CARMIL1: variants seen among roughly 807,000 people sequenced by gnomAD.
CARMIL1 encodes F-actin-uncapping protein LRRC16A.
Under a neutral mutation model 177.1 loss-of-function variants are expected in CARMIL1, and 90 were observed. The observed-to-expected ratio is 0.51, with a 90% CI of 0.43 to 0.61. CARMIL1 has a LOEUF of 0.61. CARMIL1 is among the 20% of genes least tolerant of loss of function. The pLI is 0.00. For missense variants in CARMIL1, 1,380 were observed against 1,667.0 expected, an observed-to-expected ratio of 0.83 and a Z score of 3.00; for synonymous variants, 577 against 606.2, an observed-to-expected ratio of 0.95 and a Z score of 0.71.
rs1379494044 is a variant in CARMIL1, at chr6:25,509,498, T to TATAA, written c.1396-157_1396-156insTAAA. Reference sequence around the variant, plus strand: ...CAGCAATGGCTAGTGATAGGCTCTTTACCCACTGATAATAGCTTCTTTGGA... The same window carrying TATAA: ...CAGCAATGGCTAGTGATAGGCTCTTTATAAACCCACTGATAATAGCTTCTTTGGA... On this transcript the variant is annotated intron_variant, in intron 17 of 36. Transcript: ENST00000329474. The surrounding 1 kb of genome is among the most constrained non-coding windows in gnomAD (Gnocchi z 4.1). 1.3e-5 allele frequency among the ~76,000 whole-genome samples: 2 copies of TATAA among 152,224 alleles called. No individual in the cohort carries two copies. Among genetic ancestry groups the TATAA allele is most frequent in the Admixed American group, 1.3e-4 (2 of 15,284 alleles).
chr6:25,364,812 G>T (rs968005314), intron 2 of CARMIL1, among the ~76,000 whole-genome samples: 49 of 152,094 alleles, frequency 3.2e-4, no homozygotes, highest in African/African-American at 1.2e-3. Context: ...TGATCCATCC[G>T]CCTCGGCCTC....
chr6:25,580,561 A>C (rs1813032535), intron 29 of CARMIL1, among the ~76,000 whole-genome samples: 1 of 152,220 alleles, frequency 6.6e-6, no homozygotes, highest in Non-Finnish European at 1.5e-5. Flanking sequence ...TGTTACTGTG[A>C]CAATGATCAC....
intron 15 of CARMIL1, among the ~76,000 whole-genome samples, chr6:25,494,097 A>C (rs1361137206): frequency 6.7e-6 from 1 of 149,122 alleles, no homozygotes; most frequent in Non-Finnish European, 1.5e-5. Flanking sequence ...TATTATTATT[A>C]TTATTATTTA....
intron 12 of CARMIL1, among the ~76,000 whole-genome samples, chr6:25,484,806 G>A (rs1446838448): frequency 6.6e-6 from 1 of 152,120 alleles, no homozygotes; most frequent in Non-Finnish European, 1.5e-5. Flanking sequence ...TATGACTTGT[G>A]TACATATTAA....
At position 25,482,293 on chromosome 6, in the gene CARMIL1, CA is replaced by C; in HGVS notation, c.914del (p.Lys305ArgfsTer3). ...TTAAGTATTCAATTTGCCAAACTCC[CA>C]AAGGGATTAAAGCACTTAAATTTAT... ...SSLSIQFAKL[P>X]KGLKHLNLSK... On this transcript the variant is annotated frameshift_variant, in exon 12 of 37. Coordinates refer to ENST00000329474, the MANE Select transcript of CARMIL1 (RefSeq NM_017640.6). LOFTEE classifies it high-confidence loss of function. The C allele has an allele frequency of 6.3e-7, 1 of 1,591,478 alleles. No individual in the cohort carries two copies.
intron 29 of CARMIL1, chr6:25,563,264 A>G (rs1194459653): frequency 2.3e-5 from 23 of 985,486 alleles, no homozygotes; most frequent in East Asian, 1.1e-4. Flanking sequence ...GTTTATGTCA[A>G]AAAAGCTCCA....
intron 1 of CARMIL1, among the ~76,000 whole-genome samples, chr6:25,284,431 C>T (rs1286084626): frequency 6.6e-6 from 1 of 152,138 alleles, no homozygotes; most frequent in Non-Finnish European, 1.5e-5. Context: ...GACAAACGGT[C>T]GGGCACGGTG....
intron 2 of CARMIL1, among the ~76,000 whole-genome samples, chr6:25,289,785 C>A (rs1401969258): frequency 6.6e-6 from 1 of 152,188 alleles, no homozygotes; most frequent in Non-Finnish European, 1.5e-5. Context: ...AGGAGTACTT[C>A]ATGGTATGGA....
At chr6:25,362,513 A>G (rs954593374) in intron 2 of CARMIL1, among the ~76,000 whole-genome samples, 1 of 152,124 alleles carries the variant, frequency 6.6e-6, no homozygotes, top group Admixed American at 6.5e-5. Context: ...TGTCTCTACT[A>G]AAATTACAAA....
In CARMIL1 at chr6:25,604,377, C is replaced by T. The variant is rs144916906; in HGVS notation, c.3553-435C>T. 3.6e-3 allele frequency among the ~76,000 whole-genome samples: 550 copies of T among 152,308 alleles called. 2 individuals carry two copies. Among genetic ancestry groups the T allele is most frequent in the African/African-American group, 0.013 (539 of 41,546 alleles). On this transcript the variant is annotated intron_variant, in intron 33 of 36. Transcript: ENST00000329474. ...TAGATTACAGGCATGAGCCACTGCA[C>T]CCAGCCAAAACTAGATTTTTGGAAA... is the stretch of plus-strand genomic sequence containing the variant.
chr6:25,328,045 T>C (rs1785284191), intron 2 of CARMIL1, among the ~76,000 whole-genome samples: 1 of 152,202 alleles, frequency 6.6e-6, no homozygotes, highest in Non-Finnish European at 1.5e-5. Flanking sequence ...TTAGGTTTAT[T>C]ATTTCATTTA....
At chr6:25,390,316 A>ATTTTT (rs1316087000) in intron 2 of CARMIL1, among the ~76,000 whole-genome samples, 17 of 42,206 alleles carry the variant, frequency 4.0e-4, no homozygotes, top group Non-Finnish European at 5.3e-4. Flanking sequence ...ATATATATAT[A>ATTTTT]TATATTTTTT....
chr6:25,296,893 T>TATC (rs1782404702), intron 2 of CARMIL1, among the ~76,000 whole-genome samples: 3 of 85,918 alleles, frequency 3.5e-5, no homozygotes, highest in Admixed American at 1.2e-4. Context: ...ATATCTATCT[T>TATC]TATCTATCTA....
chr6:25,293,492 C>G (rs1581468218), intron 2 of CARMIL1, among the ~76,000 whole-genome samples: 1 of 151,920 alleles, frequency 6.6e-6, no homozygotes, highest in South Asian at 2.1e-4. Context: ...CTCAAGAGAT[C>G]CTCCTGTGTC....
At chr6:25,374,110 A>T (rs1165458651) in intron 2 of CARMIL1, among the ~76,000 whole-genome samples, 3 of 151,982 alleles carry the variant, frequency 2.0e-5, no homozygotes, top group African/African-American at 7.3e-5. Flanking sequence ...TAGCTCCTTG[A>T]GGTATGATGT....
chr6:25,482,199 G>A (rs1295507935), intron 11 of CARMIL1, 58 bp from the exon 12 acceptor site: 3 of 822,248 alleles, frequency 3.6e-6, no homozygotes, highest in Non-Finnish European at 6.1e-6. Flanking sequence ...TTCATCCATT[G>A]TAAAAAATGC....
At chr6:25,390,320 A>ATATATATATATATATATATATTTTT (rs1554184839) in intron 2 of CARMIL1, among the ~76,000 whole-genome samples, 2 of 58,100 alleles carry the variant, frequency 3.4e-5, no homozygotes, top group Non-Finnish European at 6.7e-5. Flanking sequence ...ATATATATAT[A>ATATATATATATATATATATATTTTT]TTTTTTTTTT....
intron 2 of CARMIL1, among the ~76,000 whole-genome samples, chr6:25,375,136 C>A (rs1790847100): frequency 6.6e-6 from 1 of 152,118 alleles, no homozygotes; most frequent in Non-Finnish European, 1.5e-5. Flanking sequence ...GCATATCAAC[C>A]TTTTGATTCA....
intron 4 of CARMIL1, among the ~76,000 whole-genome samples, chr6:25,433,888 CATT>C (rs897292510): frequency 1.3e-5 from 2 of 152,090 alleles, no homozygotes; most frequent in African/African-American, 2.4e-5. Flanking sequence ...GAAATACTTA[CATT>C]ATTATTATTT....
Sources: gnomAD v4.1 joint callset for allele counts (sites outside exome capture counted in the v4.1 genomes callset) on GRCh38, gnomAD v4.1.1 for gene constraint, Gnocchi (gnomAD v3.1) non-coding constraint, MANE v1.5 for transcripts, NCBI Gene and HGNC (gene_info 2026-07-23, HGNC 2026-07-21) for gene names.